PARD6B: variants seen among roughly 807,000 people sequenced by gnomAD.
The protein encoded by PARD6B is partitioning defective 6 homolog beta.
PARD6B carries 4 observed loss-of-function variants against 10.5 expected under a neutral mutation model. That is an observed-to-expected ratio of 0.38 (90% CI 0.19 to 0.87). The LOEUF (loss-of-function observed/expected upper bound fraction) is 0.87, where lower values mean the gene tolerates loss of function less well. Ranked by LOEUF, PARD6B falls within the 40% of genes least tolerant of loss-of-function variation. The pLI, the probability that PARD6B is intolerant of heterozygous loss-of-function variation, is 0.41. For missense variants in PARD6B, 396 were observed against 470.6 expected, an observed-to-expected ratio of 0.84 and a Z score of 1.47; for synonymous variants, 169 against 170.4, an observed-to-expected ratio of 0.99 and a Z score of 0.07.
At chr20:50,746,348 G>T (rs776039907) in intron 2 of PARD6B, among the ~76,000 whole-genome samples, 4 of 152,210 alleles carry the variant, frequency 2.6e-5, no homozygotes, top group Non-Finnish European at 5.9e-5. Context: ...GTGGATCCTT[G>T]TCTGTTCAGT....
intron 1 of PARD6B, among the ~76,000 whole-genome samples, chr20:50,737,294 C>T (rs1427932396): frequency 6.6e-6 from 1 of 152,202 alleles, no homozygotes; most frequent in Non-Finnish European, 1.5e-5. Context: ...AGTTATAGGA[C>T]ATACATTTGA....
At chr20:50,749,592 A>G (rs2087588104) in intron 2 of PARD6B, 67 bp from the exon 3 acceptor site, 1 of 1,320,442 alleles carries the variant, frequency 7.6e-7, no homozygotes, top group Non-Finnish European at 1.0e-6. Flanking sequence ...TTCTGTACAG[A>G]TTCAGCTGCA....
intron 1 of PARD6B, among the ~76,000 whole-genome samples, chr20:50,736,999 C>T (rs1434434645): frequency 1.3e-5 from 2 of 152,104 alleles, no homozygotes; most frequent in Non-Finnish European, 2.9e-5. Context: ...CGCCTGGCCT[C>T]AGTTCTTAGT....
intron 2 of PARD6B, among the ~76,000 whole-genome samples, chr20:50,749,211 C>A (rs541808493): frequency 6.6e-6 from 1 of 152,106 alleles, no homozygotes; most frequent in East Asian, 1.9e-4. Flanking sequence ...GGCCTGGTGG[C>A]ACACACCTGT....
chr20:50,745,286 T>C (rs1037376496), intron 2 of PARD6B, among the ~76,000 whole-genome samples: 8 of 151,892 alleles, frequency 5.3e-5, no homozygotes, highest in Non-Finnish European at 1.0e-4. Context: ...TAGCCGGGCA[T>C]GGTGGTGCAT....
rs2087624652 is a variant in PARD6B, at chr20:50,753,216, TTTTTA to T, written c.*2734_*2738del. 1.0e-6 allele frequency: 1 copy of T among 985,282 alleles called. No individual in the cohort carries two copies. Among genetic ancestry groups the T allele is most frequent in the Non-Finnish European group, 1.2e-6 (1 of 829,390 alleles). The allele number at this position is 985,282 out of a possible 1,614,324, so 61.0% of individuals were successfully genotyped here. On this transcript the variant is annotated 3_prime_UTR_variant, in exon 3 of 3. Coordinates refer to ENST00000371610, the MANE Select transcript of PARD6B (RefSeq NM_032521.3). The stretch of plus-strand genomic sequence containing the variant: ...AAATGGAAATCAAAGCTGCTATTGC[TTTTTA>T]TTTTAATTATCCTGTTAAGGGTATC...
Position 50,749,793 on chromosome 20 carries a change from G to A in PARD6B, c.424G>A (p.Val142Met). ...TAGTATGCCCCAAGACTTTAGACCT[G>A]TGTCTTCTATTATAGACGTGGATAT... ...VISMPQDFRP[V>M]SSIIDVDILP... Residue 142 changes from valine (V) to methionine (M), a missense_variant, in exon 3 of 3, where the codon GTG becomes ATG. This residue lies in a region of PARD6B where 208 missense variants were observed against 300.9 expected (regional missense o/e 0.69). Transcript: ENST00000371610. 1 of 1,614,164 alleles carries A rather than the reference G, an allele frequency of 6.2e-7. No homozygotes were observed. Among genetic ancestry groups the A allele is most frequent in the Non-Finnish European group, 8.5e-7 (1 of 1,180,042 alleles).
At position 50,750,579 on chromosome 20, in the gene PARD6B, G is replaced by A. The variant is rs1029496289; in HGVS notation, c.*91G>A. On this transcript the variant is annotated 3_prime_UTR_variant, in exon 3 of 3. Coordinates refer to ENST00000371610, the MANE Select transcript of PARD6B (RefSeq NM_032521.3). ...AGCATATATACCTCTGACCAGTGAC[G>A]TGGAATAGGCATGAGACGAGTAACG... is the stretch of plus-strand genomic sequence containing the variant. 26 of 1,474,882 alleles carry A rather than the reference G, an allele frequency of 1.8e-5. No homozygotes were observed. Among genetic ancestry groups the A allele is most frequent in the African/African-American group, 8.5e-5 (6 of 70,384 alleles). The allele number at this position is 1,474,882 out of a possible 1,614,324, so 91.4% of individuals were successfully genotyped here.
chr20:50,743,830 A>G (rs1347092839), intron 2 of PARD6B, among the ~76,000 whole-genome samples: 1 of 150,672 alleles, frequency 6.6e-6, no homozygotes, highest in African/African-American at 2.4e-5. Flanking sequence ...CGGAGCTTGC[A>G]GTGAGCCTAG....
In PARD6B at chr20:50,753,471, T is replaced by C; in HGVS notation, c.*2983T>C. 5.1e-6 allele frequency: 5 copies of C among 978,394 alleles called. No homozygotes were observed. Among genetic ancestry groups the C allele is most frequent in the Non-Finnish European group, 6.1e-6 (5 of 823,110 alleles). 60.6% of individuals were successfully genotyped at this position (978,394 alleles called of 1,614,324 possible). A position where few individuals can be genotyped will look rare whatever the true frequency, so the allele number is the denominator to read the frequency against. ...TCAAGCCTAACTGTGAATTTTGTTC[T>C]GTATCTTAAGTAAATTTATGATAAT... is the stretch of plus-strand genomic sequence containing the variant. On this transcript the variant is annotated 3_prime_UTR_variant, in exon 3 of 3. Coordinates refer to ENST00000371610, the MANE Select transcript of PARD6B (RefSeq NM_032521.3).
At chr20:50,735,576 A>G (rs2087495322) in intron 1 of PARD6B, among the ~76,000 whole-genome samples, 1 of 152,214 alleles carries the variant, frequency 6.6e-6, no homozygotes, top group Non-Finnish European at 1.5e-5. Context: ...TGCTGATTGA[A>G]TCTTAATTTT....
At chr20:50,736,998 T>A (rs1374039839) in intron 1 of PARD6B, among the ~76,000 whole-genome samples, 1 of 152,162 alleles carries the variant, frequency 6.6e-6, no homozygotes, top group Non-Finnish European at 1.5e-5. Flanking sequence ...GCGCCTGGCC[T>A]CAGTTCTTAG....
In PARD6B at chr20:50,753,047, T is replaced by G; in HGVS notation, c.*2559T>G. On this transcript the variant is annotated 3_prime_UTR_variant, in exon 3 of 3. Coordinates refer to ENST00000371610, the MANE Select transcript of PARD6B (RefSeq NM_032521.3). ...TGGTGCAGGGGTTCAACATTTTAAG[T>G]AAAAATATTTTTACACACTACCTCT... is the stretch of plus-strand genomic sequence containing the variant. The G allele has an allele frequency of 2.1e-6, 2 of 970,242 alleles. No homozygotes were observed. Among genetic ancestry groups the G allele is most frequent in the Non-Finnish European group, 2.4e-6 (2 of 823,898 alleles). The allele number at this position is 970,242 out of a possible 1,614,324, so 60.1% of individuals were successfully genotyped here.
At chr20:50,746,634 TAGC>T (rs1197411552) in intron 2 of PARD6B, among the ~76,000 whole-genome samples, 1 of 152,232 alleles carries the variant, frequency 6.6e-6, no homozygotes, top group African/African-American at 2.4e-5. Flanking sequence ...GGAAACTGAT[TAGC>T]TAGATGGGAG....
At chr20:50,734,578 T>A (rs1261533808) in intron 1 of PARD6B, among the ~76,000 whole-genome samples, 2 of 152,146 alleles carry the variant, frequency 1.3e-5, no homozygotes, top group Non-Finnish European at 2.9e-5. Flanking sequence ...CAGTCTGATC[T>A]TGAACACCTG....
In PARD6B at chr20:50,750,557, ATAT is replaced by A; in HGVS notation, c.*70_*72del. 2.0e-6 allele frequency: 3 copies of A among 1,528,318 alleles called. No individual in the cohort carries two copies. Among genetic ancestry groups the A allele is most frequent in the Non-Finnish European group, 2.6e-6 (3 of 1,142,902 alleles). The allele number at this position is 1,528,318 out of a possible 1,614,324, so 94.7% of individuals were successfully genotyped here. A position where few individuals can be genotyped will look rare whatever the true frequency, so the allele number is the denominator to read the frequency against. Reference sequence around the variant, plus strand: ...TTGTACATTTGGCTAGTTTAAAAGCATATATACCTCTGACCAGTGACGTGGAAT... The same window carrying A: ...TTGTACATTTGGCTAGTTTAAAAGCAATACCTCTGACCAGTGACGTGGAAT... On this transcript the variant is annotated 3_prime_UTR_variant, in exon 3 of 3. Transcript: ENST00000371610.
intron 2 of PARD6B, among the ~76,000 whole-genome samples, chr20:50,744,164 G>C (rs922665405): frequency 7.3e-6 from 1 of 136,860 alleles, no homozygotes; most frequent in African/African-American, 2.7e-5. Context: ...GCCCAGGCTG[G>C]AGTGCAATGG....
Position 50,731,767 on chromosome 20 carries a change from C to G in PARD6B, c.-20C>G. ...GGGCCGCCCGGCCGGAGGAGGCCGT[C>G]GCGGGGCTCGGCGTTCAGCATGAAC... On this transcript the variant is annotated 5_prime_UTR_variant, in exon 1 of 3. Transcript: ENST00000371610. 1 of 1,446,306 alleles carries G rather than the reference C, an allele frequency of 6.9e-7. No individual in the cohort carries two copies. Among genetic ancestry groups the G allele is most frequent in the Non-Finnish European group, 9.1e-7 (1 of 1,104,886 alleles). The allele number at this position is 1,446,306 out of a possible 1,614,324, so 89.6% of individuals were successfully genotyped here.
In PARD6B at chr20:50,747,497, T is replaced by TTC. The variant is rs1383638870; in HGVS notation, c.290-2161_290-2160insCT. 2.8e-5 allele frequency among the ~76,000 whole-genome samples: 4 copies of TTC among 143,556 alleles called. No homozygotes were observed. The East Asian group carries it at 6.0e-4, about 22-fold the overall frequency. 94.2% of individuals were successfully genotyped at this position (143,556 alleles called of 152,430 possible). On this transcript the variant is annotated intron_variant, in intron 2 of 2. Coordinates refer to ENST00000371610, the MANE Select transcript of PARD6B (RefSeq NM_032521.3). ...TCTTTTTTTCTTTCTTTCTTTTTTT[T>TTC]TTTTTTTTTTTTTTTGCCTAGCCAC... is the stretch of plus-strand genomic sequence containing the variant.
Sources: allele counts gnomAD v4.1 joint callset (sites outside exome capture counted in the v4.1 genomes callset), GRCh38; gene constraint gnomAD v4.1.1; regional missense constraint gnomAD v4.1.1; transcripts MANE v1.5; gene names NCBI Gene and HGNC (gene_info 2026-07-23, HGNC 2026-07-21).